INCA1: variants seen among roughly 807,000 people sequenced by gnomAD.
INCA1 encodes the protein inhibitor of CDK, cyclin A1 interacting protein 1.
A neutral mutation model predicts 25.7 loss-of-function variants in INCA1; 28 were observed. The ratio of observed to expected loss-of-function variants is 1.09; its 90% CI spans 0.81 to 1.49. The LOEUF (loss-of-function observed/expected upper bound fraction) is 1.49. Ranked by LOEUF, INCA1 falls within the 40% of genes most tolerant of loss-of-function variation. The probability of loss-of-function intolerance (pLI) is 0.00; values close to 1 mark genes in which losing one functional copy is unlikely to be tolerated. For missense variants in INCA1, 309 were observed against 290.9 expected, an observed-to-expected ratio of 1.06 and a Z score of -0.45; for synonymous variants, 111 against 103.6, an observed-to-expected ratio of 1.07 and a Z score of -0.43.
chr17:4,988,581 GA>G, intron 6 of INCA1, 27 bp from the exon 7 acceptor site: 1 of 1,607,132 alleles, frequency 6.2e-7, no homozygotes, highest in Non-Finnish European at 8.5e-7. Context: ...AATTGAAAAA[GA>G]AAATGGAAAA....
chr17:4,990,756 A>G (rs902557797), intron 2 of INCA1, among the ~76,000 whole-genome samples: 1 of 150,706 alleles, frequency 6.6e-6, no homozygotes, highest in Non-Finnish European at 1.5e-5. Flanking sequence ...GGTGGCGGGC[A>G]CCTGTAATCC....
At chr17:4,989,682 C>G in intron 4 of INCA1, 58 bp from the exon 5 acceptor site, 1 of 1,598,212 alleles carries the variant, frequency 6.3e-7, no homozygotes, top group Non-Finnish European at 8.6e-7. Context: ...CTCAAGGGAG[C>G]TTGGATTGAA....
intron 1 of INCA1, among the ~76,000 whole-genome samples, chr17:4,995,196 T>A (rs1373281227): frequency 6.6e-6 from 1 of 150,492 alleles, no homozygotes; most frequent in Admixed American, 6.6e-5. Context: ...AGAGCAAGAC[T>A]CTGTCTCAAA....
At chr17:4,990,218 T>C (rs1229459984) in exon 3 of INCA1, 1 of 1,614,058 alleles carries the variant, frequency 6.2e-7, no homozygotes, top group Non-Finnish European at 8.5e-7. Flanking sequence ...TCTGAGGCTC[T>C]GGGAAGGCAA....
chr17:4,988,337 A>C, exon 7 of INCA1: 1 of 1,488,492 alleles, frequency 6.7e-7, no homozygotes, highest in Non-Finnish European at 9.0e-7. Context: ...AATGAGGGTG[A>C]CTCTAGTGAC....
chr17:4,992,980 A>G (rs1322836209), intron 2 of INCA1, among the ~76,000 whole-genome samples: 1 of 151,916 alleles, frequency 6.6e-6, no homozygotes, highest in Non-Finnish European at 1.5e-5. Context: ...CCCATGTTCA[A>G]GTGATTCTCC....
At chr17:4,997,449 AGCGCCCGAGTAGCC>A (rs1974373955), upstream of INCA1, 1 of 152,206 alleles carries the variant, frequency 6.6e-6, no homozygotes, top group South Asian at 2.1e-4. Flanking sequence ...GCGGGGACAG[AGCGCCCGAGTAGCC>A]GCGCCACGGC....
chr17:4,990,831 C>T (rs1390319677), intron 2 of INCA1, among the ~76,000 whole-genome samples: 6 of 148,862 alleles, frequency 4.0e-5, no homozygotes, highest in Non-Finnish European at 5.9e-5. Context: ...TGCAGTGAGT[C>T]GAAATCGCGC....
At chr17:4,989,521 A>G in exon 5 of INCA1, 2 of 1,614,218 alleles carry the variant, frequency 1.2e-6, no homozygotes, top group Middle Eastern at 1.6e-4. Context: ...CTGCTGCTGC[A>G]TTCCTTCCAA....
intron 1 of INCA1, among the ~76,000 whole-genome samples, chr17:4,996,502 C>T (rs902007202): frequency 1.3e-5 from 2 of 151,026 alleles, no homozygotes; most frequent in African/African-American, 4.9e-5. Flanking sequence ...GCCAACACAG[C>T]GAAACCCAGT....
intron 1 of INCA1, among the ~76,000 whole-genome samples, chr17:4,996,223 A>G (rs1368744648): frequency 6.6e-6 from 1 of 151,872 alleles, no homozygotes; most frequent in Non-Finnish European, 1.5e-5. Flanking sequence ...CCTCTTTACC[A>G]AAATACGAAA....
At chr17:4,995,935 CAAAATA>C (rs944717371) in intron 1 of INCA1, 2 of 151,638 alleles carry the variant, frequency 1.3e-5, no homozygotes, top group African/African-American at 4.8e-5. Flanking sequence ...CTGTCTCTAA[CAAAATA>C]AAAAAAGAAA....
At chr17:4,989,843 G>A in intron 4 of INCA1, 47 bp downstream of exon 4, 1 of 1,613,902 alleles carries the variant, frequency 6.2e-7, no homozygotes. Context: ...ACAGCAGTGG[G>A]TGCAATTTTA....
intron 2 of INCA1, among the ~76,000 whole-genome samples, chr17:4,991,463 G>A (rs1373521401): frequency 6.6e-6 from 1 of 152,164 alleles, no homozygotes; most frequent in Non-Finnish European, 1.5e-5. Context: ...CATCTCAAAA[G>A]GACTAATATC....
intron 1 of INCA1, among the ~76,000 whole-genome samples, chr17:4,995,094 A>G (rs1974145927): frequency 6.6e-6 from 1 of 151,498 alleles, no homozygotes; most frequent in Non-Finnish European, 1.5e-5. Flanking sequence ...AATCCCAGCT[A>G]CTCCGGAGGC....
At chr17:4,994,217 C>T (rs553536982) in intron 2 of INCA1, among the ~76,000 whole-genome samples, 177 bp downstream of exon 2, 34 of 152,328 alleles carry the variant, frequency 2.2e-4, no homozygotes, top group Non-Finnish European at 3.7e-4. Flanking sequence ...CTAATACAGT[C>T]CCTGGAACAT....
In INCA1 at chr17:4,989,871, G is replaced by A. The variant is rs768835911; in HGVS notation, c.198+19C>T. 13 of 1,614,094 alleles carry A rather than the reference G, an allele frequency of 8.1e-6. No individual in the cohort carries two copies. Among genetic ancestry groups the A allele is most frequent in the African/African-American group, 4.0e-5 (3 of 74,940 alleles). On this transcript the variant is annotated intron_variant, in intron 4 of 6. Coordinates refer to ENST00000576820, the Ensembl canonical transcript of INCA1. The stretch of plus-strand genomic sequence containing the variant: ...CAATTTTAACAGAGAAATGTTAAAC[G>A]GCAGAGGGTCTGTCTTACCAGCATG...
chr17:4,992,365 C>T (rs1338427297), intron 2 of INCA1, among the ~76,000 whole-genome samples: 1 of 152,148 alleles, frequency 6.6e-6, no homozygotes, highest in African/African-American at 2.4e-5. Context: ...TCACTGCAGC[C>T]TCAAATTCCT....
At chr17:4,988,133 A>C (rs1037558185), downstream of INCA1, 15 of 350,774 alleles carry the variant, frequency 4.3e-5, no homozygotes, top group Non-Finnish European at 7.7e-5. Context: ...CTCGGGCTCC[A>C]CTTGCTTGCT....
Sources: gnomAD v4.1 joint callset for allele counts (sites outside exome capture counted in the v4.1 genomes callset) on GRCh38, gnomAD v4.1.1 for gene constraint, MANE v1.5 for transcripts, NCBI Gene and HGNC (gene_info 2026-07-23, HGNC 2026-07-21) for gene names.